Variants in WDR33 observed in about 807,000 individuals in gnomAD.
WDR33 encodes the protein WD repeat domain 33, also known as pre-mRNA 3' end processing protein WDR33.
WDR33 carries 47 observed loss-of-function variants against 164.9 expected under a neutral mutation model. The ratio of observed to expected loss-of-function variants is 0.29; its 90% CI spans 0.23 to 0.36. The LOEUF (loss-of-function observed/expected upper bound fraction) is 0.36, where lower values mean the gene tolerates loss of function less well. Ranked by LOEUF, WDR33 falls within the 10% of genes least tolerant of loss-of-function variation. The pLI, the probability that WDR33 is intolerant of heterozygous loss-of-function variation, is 1.00. For missense variants in WDR33, 1,137 were observed against 1,754.1 expected, an observed-to-expected ratio of 0.65 and a Z score of 6.28; for synonymous variants, 505 against 589.0, an observed-to-expected ratio of 0.86 and a Z score of 2.06.
chr2:127,724,499 T>G lies in WDR33; in HGVS notation c.1086-56A>C. On this transcript the variant is annotated intron_variant, in intron 10 of 21. Coordinates refer to ENST00000322313, the MANE Select transcript of WDR33 (RefSeq NM_018383.5). The surrounding 1 kb of genome is among the most constrained non-coding windows in gnomAD (Gnocchi z 4.8). Reference sequence around the variant, plus strand: ...TCACAAAAGTTACCCAGCTTCTCCCTCCCCCTCAAAAAAGACATTTTCTGT... The same window carrying G: ...TCACAAAAGTTACCCAGCTTCTCCCGCCCCCTCAAAAAAGACATTTTCTGT... 1.4e-6 allele frequency: 2 copies of G among 1,449,868 alleles called. No individual in the cohort carries two copies. The highest frequency in any genetic ancestry group is 1.2e-5 in the South Asian group (1 of 85,560). The allele number at this position is 1,449,868 out of a possible 1,614,324, so 89.8% of individuals were successfully genotyped here. A position where few individuals can be genotyped will look rare whatever the true frequency, so the allele number is the denominator to read the frequency against.
At chr2:127,736,464 A>C (rs1245018907) in intron 7 of WDR33, 7 of 985,342 alleles carry the variant, frequency 7.1e-6, no homozygotes, top group Non-Finnish European at 8.4e-6. Context: ...TAGTGTCAGG[A>C]GCAACCAATA....
rs1686502433 is a variant in WDR33, at chr2:127,723,941, G to A, written c.1196+392C>T. Among the ~76,000 whole-genome samples, 1 of 152,082 alleles carries A rather than the reference G, an allele frequency of 6.6e-6. No individual in the cohort carries two copies. The highest frequency in any genetic ancestry group is 2.4e-5 in the African/African-American group (1 of 41,404). On this transcript the variant is annotated intron_variant, in intron 11 of 21. Coordinates refer to ENST00000322313, the MANE Select transcript of WDR33 (RefSeq NM_018383.5). This position sits in a 1 kb window ranked among gnomAD's most constrained non-coding sequence, Gnocchi z 5.9. ...AAAATGCAAAAATTAGCCAGGTGTG[G>A]TGGTGTGCTCCTATAGTCTCAGCTA...
chr2:127,805,542 G>A (rs535839312), intron 1 of WDR33, among the ~76,000 whole-genome samples: 28 of 152,162 alleles, frequency 1.8e-4, no homozygotes, highest in African/African-American at 6.0e-4. Context: ...TCCAAAATAT[G>A]GAACGTTCTT....
intron 1 of WDR33, among the ~76,000 whole-genome samples, chr2:127,795,934 AC>A (rs1189011941): frequency 6.6e-6 from 1 of 151,926 alleles, no homozygotes; most frequent in Admixed American, 6.6e-5. Context: ...GATAAAAGCA[AC>A]CTTGATGGAA....
chr2:127,786,307 T>C (rs1688568228), intron 1 of WDR33, among the ~76,000 whole-genome samples: 1 of 152,222 alleles, frequency 6.6e-6, no homozygotes, highest in Non-Finnish European at 1.5e-5. Context: ...AGTGCTGTGA[T>C]GACAGGCATG....
At position 127,764,114 on chromosome 2, in the gene WDR33, T is replaced by C; in HGVS notation, c.626+714A>G. 2.0e-6 allele frequency: 2 copies of C among 989,230 alleles called. No homozygotes were observed. The highest frequency in any genetic ancestry group is 4.7e-5 in the South Asian group (1 of 21,420). 61.3% of individuals were successfully genotyped at this position (989,230 alleles called of 1,614,324 possible). A position where few individuals can be genotyped will look rare whatever the true frequency, so the allele number is the denominator to read the frequency against. Reference sequence around the variant, plus strand: ...CTTCAGGCTTGTATTTGGAACTTTTTCCCCCAGTTTTACTATACATACCTC... The same window carrying C: ...CTTCAGGCTTGTATTTGGAACTTTTCCCCCCAGTTTTACTATACATACCTC... On this transcript the variant is annotated intron_variant, in intron 6 of 21. Coordinates refer to ENST00000322313, the MANE Select transcript of WDR33 (RefSeq NM_018383.5). This position sits in a 1 kb window ranked among gnomAD's most constrained non-coding sequence, Gnocchi z 6.2.
At chr2:127,752,947 G>T (rs1573917473) in intron 7 of WDR33, among the ~76,000 whole-genome samples, 3 of 152,256 alleles carry the variant, frequency 2.0e-5, no homozygotes, top group East Asian at 3.9e-4. Flanking sequence ...TTATGAGATG[G>T]AGTTTTGCTC....
intron 7 of WDR33, among the ~76,000 whole-genome samples, chr2:127,757,724 T>C (rs1687558336): frequency 6.6e-6 from 1 of 152,222 alleles, no homozygotes; most frequent in Admixed American, 6.5e-5. Context: ...ATTAGGTTTA[T>C]TATCATAAAC....
In WDR33 at chr2:127,741,383, A is replaced by G. The variant is rs72846253; in HGVS notation, c.725-14606T>C. Among the ~76,000 whole-genome samples the G allele has an allele frequency of 0.014, 2,166 of 152,336 alleles. 24 individuals are homozygous for G. Among genetic ancestry groups the G allele is most frequent in the Middle Eastern group, 0.085 (25 of 294 alleles). ...TGGCAGTTCCACTTAAGAGTGGAAT[A>G]AACTTAAGCACTCCACCTCAGAGTA... On this transcript the variant is annotated intron_variant, in intron 7 of 21. Coordinates refer to ENST00000322313, the MANE Select transcript of WDR33 (RefSeq NM_018383.5). The surrounding 1 kb of genome is among the most constrained non-coding windows in gnomAD (Gnocchi z 4.1).
At chr2:127,800,253 C>T (rs1396713026) in intron 1 of WDR33, among the ~76,000 whole-genome samples, 2 of 152,270 alleles carry the variant, frequency 1.3e-5, no homozygotes, top group Non-Finnish European at 2.9e-5. Context: ...GAAAACAATC[C>T]TAATGTCCAT....
At chr2:127,761,096 G>A (rs1272295791) in intron 7 of WDR33, among the ~76,000 whole-genome samples, 2 of 152,116 alleles carry the variant, frequency 1.3e-5, no homozygotes, top group East Asian at 1.9e-4. Context: ...ACTCAAAAAC[G>A]TTATCACATA....
chr2:127,766,986 C>T (rs1343135081), intron 4 of WDR33, among the ~76,000 whole-genome samples: 2 of 152,160 alleles, frequency 1.3e-5, no homozygotes, highest in Non-Finnish European at 2.9e-5. Flanking sequence ...CTCAAACTCC[C>T]GACCGCAGGT....
chr2:127,758,442 C>A (rs1687580711), intron 7 of WDR33, among the ~76,000 whole-genome samples: 1 of 152,110 alleles, frequency 6.6e-6, no homozygotes, highest in South Asian at 2.1e-4. Flanking sequence ...TTGGTTTACT[C>A]ATTTGTAAAA....
At chr2:127,780,251 A>C (rs1341843823) in intron 1 of WDR33, among the ~76,000 whole-genome samples, 1 of 152,122 alleles carries the variant, frequency 6.6e-6, no homozygotes, top group African/African-American at 2.4e-5. Flanking sequence ...AAAATAATAA[A>C]AAGTTTTAAG....
chr2:127,772,953 T>C (rs1284163066), intron 1 of WDR33, among the ~76,000 whole-genome samples: 1 of 120,554 alleles, frequency 8.3e-6, no homozygotes, highest in Non-Finnish European at 1.7e-5. Context: ...TGAGACTCCA[T>C]CTCTACAAAA....
rs886078800 is a variant in WDR33 at position 127,724,515 on chromosome 2, C to T, written c.1086-72G>A. On this transcript the variant is annotated intron_variant, in intron 10 of 21. Coordinates refer to ENST00000322313, the MANE Select transcript of WDR33 (RefSeq NM_018383.5). This position sits in a 1 kb window ranked among gnomAD's most constrained non-coding sequence, Gnocchi z 4.8. ...GCTTCTCCCTCCCCCTCAAAAAAGACATTTTCTGTTACTCTTAAAATGAAG... is the reference window on the plus strand; with the variant it reads ...GCTTCTCCCTCCCCCTCAAAAAAGATATTTTCTGTTACTCTTAAAATGAAG... 2.3e-6 allele frequency: 3 copies of T among 1,322,710 alleles called. No individual in the cohort carries two copies. The highest frequency in any genetic ancestry group is 1.5e-5 in the African/African-American group (1 of 68,502). 81.9% of individuals were successfully genotyped at this position (1,322,710 alleles called of 1,614,324 possible).
intron 7 of WDR33, among the ~76,000 whole-genome samples, chr2:127,745,037 T>C (rs1687127580): frequency 6.6e-6 from 1 of 152,186 alleles, no homozygotes; most frequent in South Asian, 2.1e-4. Context: ...GTTATTGTTA[T>C]GCAGTCAGCT....
At position 127,710,940 on chromosome 2, in the gene WDR33, C is replaced by T. The variant is rs1014018984; in HGVS notation, c.3309-1084G>A. 2.6e-5 allele frequency among the ~76,000 whole-genome samples: 4 copies of T among 152,202 alleles called. No homozygotes were observed. The highest frequency in any genetic ancestry group is 1.9e-4 in the East Asian group (1 of 5,202). On this transcript the variant is annotated intron_variant, in intron 18 of 21. Transcript: ENST00000322313. This position sits in a 1 kb window ranked among gnomAD's most constrained non-coding sequence, Gnocchi z 4.4. ...TTTGCCACACGTGCTTTATCTTCTCCGTCCAGCTACTCACAAACATGTTTT... is the reference window on the plus strand; with the variant it reads ...TTTGCCACACGTGCTTTATCTTCTCTGTCCAGCTACTCACAAACATGTTTT...
rs1258849548 is a variant in WDR33, at chr2:127,714,253, T to G, written c.2870-232A>C. Among the ~76,000 whole-genome samples, 1 of 152,184 alleles carries G rather than the reference T, an allele frequency of 6.6e-6. No individual in the cohort carries two copies. Among genetic ancestry groups the G allele is most frequent in the Non-Finnish European group, 1.5e-5 (1 of 68,022 alleles). ...CACTAGCTAGGGCAAATTACTCATC[T>G]CAAATGAGATCAGCAGCATCTGTCC... On this transcript the variant is annotated intron_variant, in intron 17 of 21. Transcript: ENST00000322313. The surrounding 1 kb of genome is among the most constrained non-coding windows in gnomAD (Gnocchi z 4.3).
Sources: gnomAD v4.1 joint callset for allele counts (sites outside exome capture counted in the v4.1 genomes callset) on GRCh38, gnomAD v4.1.1 for gene constraint, Gnocchi (gnomAD v3.1) non-coding constraint, MANE v1.5 for transcripts, NCBI Gene and HGNC (gene_info 2026-07-23, HGNC 2026-07-21) for gene names.